Variants in LIMCH1 observed in about 807,000 individuals in gnomAD.
LIMCH1 encodes LIM and calponin homology domains 1.
LIMCH1 carries 113 observed loss-of-function variants against 176.5 expected under a neutral mutation model. That is an observed-to-expected ratio of 0.64 (90% CI 0.55 to 0.75). The LOEUF (loss-of-function observed/expected upper bound fraction) is 0.75. Among genes scored for constraint, LIMCH1 ranks in the 30% least tolerant of loss-of-function variants. LIMCH1 has a pLI of 0.00. For synonymous variants in LIMCH1, 619 were observed against 645.9 expected (o/e 0.96, Z 0.63); for missense variants, 1,674 against 1,814.9 (o/e 0.92, Z 1.41).
intron 1 of LIMCH1, among the ~76,000 whole-genome samples, chr4:41,586,169 C>T (rs1412046617): frequency 6.8e-6 from 1 of 147,460 alleles, no homozygotes; most frequent in Non-Finnish European, 1.5e-5. Context: ...AGTGCAGTAG[C>T]GTGATCTCAG....
At chr4:41,585,711 C>T (rs529491871) in intron 1 of LIMCH1, among the ~76,000 whole-genome samples, 1 of 152,022 alleles carries the variant, frequency 6.6e-6, no homozygotes, top group Non-Finnish European at 1.5e-5. Context: ...TATTTTCTGT[C>T]TTTTTAAAAA....
intron 1 of LIMCH1, among the ~76,000 whole-genome samples, chr4:41,560,066 A>G (rs538155282): frequency 6.6e-6 from 1 of 152,188 alleles, no homozygotes; most frequent in Non-Finnish European, 1.5e-5. Context: ...CAAACTGTCC[A>G]AAGTGTAATG....
chr4:41,439,687 G>A (rs916977320), intron 1 of LIMCH1, among the ~76,000 whole-genome samples: 2 of 152,076 alleles, frequency 1.3e-5, no homozygotes, highest in East Asian at 3.9e-4. Context: ...GGCAGATCAC[G>A]AGGTCAGGAG....
intron 1 of LIMCH1, among the ~76,000 whole-genome samples, chr4:41,456,998 G>A (rs2064691850): frequency 6.6e-6 from 1 of 152,142 alleles, no homozygotes; most frequent in African/African-American, 2.4e-5. Flanking sequence ...TGTCACAGAG[G>A]CTAAGACCAT....
chr4:41,493,298 T>C (rs1406382594), intron 1 of LIMCH1, among the ~76,000 whole-genome samples: 1 of 152,176 alleles, frequency 6.6e-6, no homozygotes, highest in Non-Finnish European at 1.5e-5. Flanking sequence ...ATTGTTAGTA[T>C]TTTTTATGAT....
intron 1 of LIMCH1, among the ~76,000 whole-genome samples, chr4:41,401,954 G>T (rs1372745581): frequency 6.6e-6 from 1 of 152,158 alleles, no homozygotes; most frequent in African/African-American, 2.4e-5. Flanking sequence ...GGGTTTTCTA[G>T]ATATACAATC....
chr4:41,375,100 C>A lies in LIMCH1; in HGVS notation c.96+14164C>A, dbSNP rs2054536374. On this transcript the variant is annotated intron_variant, in intron 1 of 26. Transcript: ENST00000313860. ...GGTAAAGTGGATGCCAAAGAGGCTA[C>A]CACCAATTGTTACTAACATTTTATT... Among the ~76,000 whole-genome samples, 3 of 152,070 alleles carry A rather than the reference C, an allele frequency of 2.0e-5. No individual in the cohort carries two copies. The South Asian group carries it at 6.2e-4, about 32-fold the overall frequency.
At chr4:41,464,243 TTCC>T (rs2154154638) in intron 1 of LIMCH1, among the ~76,000 whole-genome samples, 1 of 151,880 alleles carries the variant, frequency 6.6e-6, no homozygotes, top group African/African-American at 2.4e-5. Context: ...CCCTGTACTC[TTCC>T]TCCACTGGGC....
In LIMCH1 at chr4:41,650,608, A is replaced by C; in HGVS notation, c.3036A>C (p.Ala1012=). ...KKPNSVPQEL[A]ATTEKTEPNS... is the part of the protein sequence containing the mutation. ...CAAACTCTGTTCCCCAAGAGCTCGCAGTAAGAACCAAACATTTCCCCGCCT... is the reference window on the plus strand; with the variant it reads ...CAAACTCTGTTCCCCAAGAGCTCGCCGTAAGAACCAAACATTTCCCCGCCT... The change falls in exon 18 of 32, where the codon GCA becomes GCC. Residue 1012 remains alanine, a splice_region_variant and synonymous_variant. Coordinates refer to ENST00000503057, the MANE Select transcript of LIMCH1 (RefSeq NM_001330672.2). 1 of 1,611,006 alleles carries C rather than the reference A, an allele frequency of 6.2e-7. No homozygotes were observed.
intron 9 of LIMCH1, 143 bp downstream of exon 9, chr4:41,629,877 A>C: frequency 1.0e-6 from 1 of 966,898 alleles, no homozygotes. Context: ...GCTTGATCAC[A>C]GTTCACTGTA....
intron 1 of LIMCH1, among the ~76,000 whole-genome samples, chr4:41,396,830 G>A (rs1338556341): frequency 6.6e-6 from 1 of 152,042 alleles, no homozygotes; most frequent in African/African-American, 2.4e-5. Flanking sequence ...GAACCTGGGA[G>A]GCAGAGGTTG....
chr4:41,510,788 C>T (rs2074807951), intron 2 of LIMCH1, among the ~76,000 whole-genome samples: 1 of 152,110 alleles, frequency 6.6e-6, no homozygotes, highest in Admixed American at 6.5e-5. Context: ...GGAGTTTCGC[C>T]ATGTTGGGCA....
At chr4:41,539,631 T>C (rs1182283176) in intron 1 of LIMCH1, among the ~76,000 whole-genome samples, 1 of 152,194 alleles carries the variant, frequency 6.6e-6, no homozygotes, top group African/African-American at 2.4e-5. Flanking sequence ...TTGTATTCAT[T>C]TTCCCATTTC....
intron 1 of LIMCH1, among the ~76,000 whole-genome samples, chr4:41,547,471 C>T (rs1321726184): frequency 6.6e-6 from 1 of 151,222 alleles, no homozygotes; most frequent in Non-Finnish European, 1.5e-5. Context: ...AGCTTCATCC[C>T]CTGTCTTAGC....
intron 1 of LIMCH1, chr4:41,386,094 G>T (rs2056456783): frequency 6.6e-6 from 1 of 152,202 alleles, no homozygotes; most frequent in Non-Finnish European, 1.5e-5. Flanking sequence ...ATAGTAAAAA[G>T]TAGAATCAAG....
intron 1 of LIMCH1, among the ~76,000 whole-genome samples, chr4:41,452,519 G>A (rs1257586009): frequency 6.6e-6 from 1 of 152,120 alleles, no homozygotes; most frequent in Non-Finnish European, 1.5e-5. Flanking sequence ...ATCAACACTG[G>A]GCTTTGTTGT....
intron 29 of LIMCH1, among the ~76,000 whole-genome samples, chr4:41,688,125 G>T (rs1301141330): frequency 6.6e-6 from 1 of 152,234 alleles, no homozygotes; most frequent in African/African-American, 2.4e-5. Flanking sequence ...AGTCAGGCCT[G>T]TGACATTGGT....
At chr4:41,396,516 C>A (rs1337565602) in intron 1 of LIMCH1, among the ~76,000 whole-genome samples, 1 of 151,882 alleles carries the variant, frequency 6.6e-6, no homozygotes, top group Non-Finnish European at 1.5e-5. Context: ...TTGTATTGTG[C>A]GGGTTTTTTT....
chr4:41,515,322 C>T (rs1183360656), intron 2 of LIMCH1, among the ~76,000 whole-genome samples: 1 of 152,258 alleles, frequency 6.6e-6, no homozygotes, highest in Non-Finnish European at 1.5e-5. Flanking sequence ...TTGCCTTCCG[C>T]CTGTCCAGAG....
Sources: allele counts gnomAD v4.1 joint callset (sites outside exome capture counted in the v4.1 genomes callset), GRCh38; gene constraint gnomAD v4.1.1; transcripts MANE v1.5; gene names NCBI Gene and HGNC (gene_info 2026-07-23, HGNC 2026-07-21).